Variants in LINGO2 observed in about 807,000 individuals in gnomAD.
LINGO2 encodes leucine rich repeat and Ig domain containing 2.
LINGO2 carries 14 observed loss-of-function variants against 30.6 expected under a neutral mutation model. That is an observed-to-expected ratio of 0.46 (90% CI 0.30 to 0.72). LINGO2 has a LOEUF of 0.72. Among genes scored for constraint, LINGO2 ranks in the 30% least tolerant of loss-of-function variants. The pLI, the probability that LINGO2 is intolerant of heterozygous loss-of-function variation, is 0.07. For missense variants in LINGO2, 729 were observed against 751.7 expected (o/e 0.97, Z 0.35); for synonymous variants, 317 against 288.5 (o/e 1.10, Z -1.00).
intron 3 of LINGO2, among the ~76,000 whole-genome samples, chr9:28,353,333 G>T (rs1437235857): frequency 2.7e-5 from 4 of 150,034 alleles, no homozygotes; most frequent in African/African-American, 9.8e-5. Context: ...CCATCCAAAA[G>T]TGGGCGAAGG....
chr9:28,526,041 G>A (rs1821018177), intron 1 of LINGO2, among the ~76,000 whole-genome samples: 1 of 67,220 alleles, frequency 1.5e-5, no homozygotes, highest in South Asian at 5.7e-4. Flanking sequence ...GGGTGACAGA[G>A]CGAGACTCCG....
the LINGO2 span, among the ~76,000 whole-genome samples, chr9:28,701,988 T>G: frequency 6.6e-6 from 1 of 152,098 alleles, no homozygotes; most frequent in East Asian, 1.9e-4. Context: ...AAGCTTGGTA[T>G]AAACACTTAT....
intron 2 of LINGO2, among the ~76,000 whole-genome samples, chr9:28,472,878 GTTTCT>G (rs2135178125): frequency 6.6e-6 from 1 of 151,978 alleles, no homozygotes; most frequent in African/African-American, 2.4e-5. Context: ...TAACATTTTT[GTTTCT>G]TTTCAATTGT....
chr9:28,054,226 A>G (rs1824812026), intron 4 of LINGO2, among the ~76,000 whole-genome samples: 1 of 152,064 alleles, frequency 6.6e-6, no homozygotes, highest in African/African-American at 2.4e-5. Context: ...CAGACAGAAA[A>G]ATCCAAAGAC....
intron 1 of LINGO2, among the ~76,000 whole-genome samples, chr9:28,654,205 G>A (rs1043551426): frequency 1.8e-4 from 27 of 151,966 alleles, no homozygotes; most frequent in Non-Finnish European, 3.7e-4. Context: ...ATTTGCTTAG[G>A]ACAAGAGAAA....
the LINGO2 span, among the ~76,000 whole-genome samples, chr9:28,980,969 A>G: frequency 6.6e-6 from 1 of 152,154 alleles, no homozygotes; most frequent in African/African-American, 2.4e-5. Flanking sequence ...TCAGTTGAAT[A>G]AAGTAATTAT....
intron 4 of LINGO2, among the ~76,000 whole-genome samples, chr9:28,039,556 A>C (rs894184512): frequency 1.3e-5 from 2 of 152,182 alleles, no homozygotes; most frequent in African/African-American, 4.8e-5. Flanking sequence ...TAACAGTGCT[A>C]TCTCTTATAA....
chr9:28,281,470 T>C (rs943288566), intron 4 of LINGO2, among the ~76,000 whole-genome samples: 3 of 13,292 alleles, frequency 2.3e-4, no homozygotes, highest in Admixed American at 1.4e-3. Context: ...AAAATTTACA[T>C]ATATATATAT....
chr9:28,676,550 T>A, the LINGO2 span, among the ~76,000 whole-genome samples: 1 of 152,136 alleles, frequency 6.6e-6, no homozygotes, highest in African/African-American at 2.4e-5. Flanking sequence ...AATAAATAAA[T>A]CCAGTAATAA....
At chr9:28,153,454 C>T (rs1828052801) in intron 4 of LINGO2, among the ~76,000 whole-genome samples, 1 of 152,110 alleles carries the variant, frequency 6.6e-6, no homozygotes, top group Non-Finnish European at 1.5e-5. Flanking sequence ...GAGCCTAGAA[C>T]ATTACCTACT....
the LINGO2 span, among the ~76,000 whole-genome samples, chr9:29,169,766 G>A: frequency 6.6e-6 from 1 of 152,174 alleles, no homozygotes; most frequent in African/African-American, 2.4e-5. Flanking sequence ...ACTTTGGGAA[G>A]CCCAGACAGC....
the LINGO2 span, chr9:27,940,136 A>G: frequency 2.0e-5 from 3 of 151,936 alleles, no homozygotes; most frequent in Admixed American, 1.3e-4. Flanking sequence ...ATCTTTTTTT[A>G]TTTTTTAAAT....
chr9:28,521,738 G>A (rs936056507), intron 1 of LINGO2, among the ~76,000 whole-genome samples: 1 of 152,142 alleles, frequency 6.6e-6, no homozygotes, highest in Non-Finnish European at 1.5e-5. Flanking sequence ...TTTGAACATA[G>A]CTTCTTTGCA....
intron 3 of LINGO2, among the ~76,000 whole-genome samples, chr9:28,371,891 T>C (rs760842647): frequency 6.6e-6 from 1 of 152,144 alleles, no homozygotes; most frequent in African/African-American, 2.4e-5. Context: ...TAAAATCGAA[T>C]ACCTGTTAGA....
the LINGO2 span, among the ~76,000 whole-genome samples, chr9:28,977,088 T>C: frequency 6.6e-6 from 1 of 152,152 alleles, no homozygotes; most frequent in Non-Finnish European, 1.5e-5. Context: ...GTTCTGTAAC[T>C]TATATGAATA....
the LINGO2 span, among the ~76,000 whole-genome samples, chr9:28,981,560 T>A: frequency 6.6e-6 from 1 of 152,238 alleles, no homozygotes; most frequent in Non-Finnish European, 1.5e-5. Flanking sequence ...TTTGCCCCTG[T>A]CTTGACAAAC....
chr9:29,086,432 A>C, the LINGO2 span, among the ~76,000 whole-genome samples: 3 of 152,050 alleles, frequency 2.0e-5, no homozygotes, highest in South Asian at 4.2e-4. Context: ...CAAAAAAAAA[A>C]TCTGGAAACC....
chr9:29,179,158 AATATATATATATATATAT>A, the LINGO2 span, among the ~76,000 whole-genome samples: 23,821 of 101,688 alleles, frequency 0.23, 2,907 homozygotes, highest in East Asian at 0.38. Context: ...TCTTACTGTA[AATATATATATATATATAT>A]ATATATATAT....
At chr9:28,784,172 G>A in the LINGO2 span, among the ~76,000 whole-genome samples, 1 of 152,180 alleles carries the variant, frequency 6.6e-6, no homozygotes, top group Admixed American at 6.5e-5. Context: ...AGAGGCAACT[G>A]TTGTTCCCAG....
Sources: gnomAD v4.1 joint callset for allele counts (sites outside exome capture counted in the v4.1 genomes callset) on GRCh38, gnomAD v4.1.1 for gene constraint, MANE v1.5 for transcripts, NCBI Gene and HGNC (gene_info 2026-07-23, HGNC 2026-07-21) for gene names.